DAZL: variants seen among roughly 807,000 people sequenced by gnomAD.
DAZL encodes deleted in azoospermia-like.
DAZL carries 4 observed loss-of-function variants against 45.0 expected under a neutral mutation model. The ratio of observed to expected loss-of-function variants is 0.09; its 90% CI spans 0.04 to 0.20. DAZL has a LOEUF of 0.20. Among genes scored for constraint, DAZL ranks in the 10% least tolerant of loss-of-function variants. The probability of loss-of-function intolerance (pLI) is 1.00; values close to 1 mark genes in which losing one functional copy is unlikely to be tolerated. For missense variants in DAZL, 326 were observed against 351.3 expected (o/e 0.93, Z 0.58); for synonymous variants, 122 against 112.4 (o/e 1.09, Z -0.54).
chr3:16,604,191 T>C (rs569983407), intron 1 of DAZL, among the ~76,000 whole-genome samples: 1 of 152,306 alleles, frequency 6.6e-6, no homozygotes, highest in East Asian at 1.9e-4. Flanking sequence ...CTGAGAATTA[T>C]CAATGCAGAC....
chr3:16,600,756 A>G (rs1349765221), intron 1 of DAZL, among the ~76,000 whole-genome samples: 1 of 152,210 alleles, frequency 6.6e-6, no homozygotes, highest in Non-Finnish European at 1.5e-5. Context: ...TAAACAAGCT[A>G]TATATACAGT....
At chr3:16,588,794 A>C (rs1694476187) in intron 10 of DAZL, 81 bp from the exon 11 acceptor site, 1 of 1,140,936 alleles carries the variant, frequency 8.8e-7, no homozygotes, top group Non-Finnish European at 1.3e-6. Context: ...TCAAAAACTT[A>C]AACCATTTGT....
At chr3:16,591,991 CAG>C in intron 10 of DAZL, 57 bp downstream of exon 10, 4 of 1,552,408 alleles carry the variant, frequency 2.6e-6, no homozygotes, top group East Asian at 4.5e-5. Context: ...ACAAGGAAAA[CAG>C]ATACTTTAAA....
intron 9 of DAZL, among the ~76,000 whole-genome samples, chr3:16,593,264 A>G (rs1694548616): frequency 6.6e-6 from 1 of 152,364 alleles, no homozygotes; most frequent in Non-Finnish European, 1.5e-5. Flanking sequence ...CTGCTGAATC[A>G]GAAACTTTAT....
chr3:16,604,248 T>C, intron 1 of DAZL, among the ~76,000 whole-genome samples: 1 of 152,204 alleles, frequency 6.6e-6, no homozygotes, highest in East Asian at 1.9e-4. Flanking sequence ...GTGGTTGGTC[T>C]GCGTGTTCAG....
intron 1 of DAZL, among the ~76,000 whole-genome samples, chr3:16,603,279 C>CT (rs1694720281): frequency 6.6e-6 from 1 of 152,154 alleles, no homozygotes; most frequent in Non-Finnish European, 1.5e-5. Flanking sequence ...AGCAATTCCA[C>CT]TTACAGCAAT....
intron 10 of DAZL, 99 bp downstream of exon 10, chr3:16,591,951 T>A: frequency 7.3e-7 from 1 of 1,375,150 alleles, no homozygotes; most frequent in South Asian, 1.2e-5. Flanking sequence ...GTTAATTAAA[T>A]GCTCTAAGAA....
At chr3:16,597,149 T>G in intron 4 of DAZL, 98 bp from the exon 5 acceptor site, 3 of 1,356,224 alleles carry the variant, frequency 2.2e-6, no homozygotes, top group Non-Finnish European at 3.1e-6. Flanking sequence ...CCTATTATCA[T>G]AGAAGATCAG....
At chr3:16,602,531 G>A (rs905134831) in intron 1 of DAZL, among the ~76,000 whole-genome samples, 3 of 152,120 alleles carry the variant, frequency 2.0e-5, no homozygotes, top group African/African-American at 7.2e-5. Context: ...GAGGAAAAAA[G>A]TATTTCTCAA....
At chr3:16,591,912 G>A (rs1694523793) in intron 10 of DAZL, 138 bp downstream of exon 10, 5 of 1,001,258 alleles carry the variant, frequency 5.0e-6, no homozygotes, top group Non-Finnish European at 7.6e-6. Context: ...ACCCACTCTG[G>A]TTTACTGTGT....
chr3:16,601,762 C>CAG (rs137878149), intron 1 of DAZL, among the ~76,000 whole-genome samples: 24,271 of 152,002 alleles, frequency 0.16, 2,366 homozygotes, highest in East Asian at 0.46. Context: ...GAATAGTAAA[C>CAG]GGGTGAGCTT....
At chr3:16,595,432 T>A in intron 6 of DAZL, 47 bp from the exon 7 acceptor site, 1 of 1,146,172 alleles carries the variant, frequency 8.7e-7, no homozygotes, top group Non-Finnish European at 1.3e-6. Flanking sequence ...AAACATTTTT[T>A]AAAATTAGAA....
intron 1 of DAZL, among the ~76,000 whole-genome samples, chr3:16,602,136 T>C (rs1323390829): frequency 6.6e-6 from 1 of 151,752 alleles, no homozygotes; most frequent in African/African-American, 2.4e-5. Context: ...GTGGGGAGGA[T>C]GAAATTCAAG....
chr3:16,600,604 A>G (rs1429419505), intron 1 of DAZL, among the ~76,000 whole-genome samples: 1 of 152,184 alleles, frequency 6.6e-6, no homozygotes, highest in African/African-American at 2.4e-5. Flanking sequence ...CCTACAGACA[A>G]TTTACCAATC....
intron 2 of DAZL, 88 bp downstream of exon 2, chr3:16,598,364 G>A: frequency 6.5e-7 from 1 of 1,546,614 alleles, no homozygotes; most frequent in East Asian, 2.3e-5. Flanking sequence ...CCTCCATGAA[G>A]TACAAAAAAA....
chr3:16,598,901 A>T (rs779250834), intron 1 of DAZL, among the ~76,000 whole-genome samples: 21 of 151,504 alleles, frequency 1.4e-4, no homozygotes, highest in Middle Eastern at 3.4e-3. Flanking sequence ...CTCCTGCCTC[A>T]GCCTCCTGAG....
chr3:16,603,474 G>A (rs780713356), intron 1 of DAZL, among the ~76,000 whole-genome samples: 2 of 151,784 alleles, frequency 1.3e-5, no homozygotes, highest in African/African-American at 4.8e-5. Context: ...AGCCTCCCGA[G>A]TAGCTGGGAT....
intron 10 of DAZL, among the ~76,000 whole-genome samples, chr3:16,591,409 T>G (rs1221566510): frequency 6.6e-6 from 1 of 151,702 alleles, no homozygotes; most frequent in Admixed American, 6.6e-5. Flanking sequence ...ATTTCTTTTC[T>G]TCTCTATAGT....
intron 1 of DAZL, among the ~76,000 whole-genome samples, chr3:16,600,561 C>G (rs1694675268): frequency 6.6e-6 from 1 of 152,160 alleles, no homozygotes. Context: ...AGCTGCGTAT[C>G]TTGAACTATT....
Sources: gnomAD v4.1 joint callset for allele counts (sites outside exome capture counted in the v4.1 genomes callset) on GRCh38, gnomAD v4.1.1 for gene constraint, MANE v1.5 for transcripts, NCBI Gene and HGNC (gene_info 2026-07-23, HGNC 2026-07-21) for gene names.